SNTG1: variants seen among roughly 807,000 people sequenced by gnomAD.
The protein encoded by SNTG1 is gamma-1-syntrophin.
In SNTG1, 39 loss-of-function variants were observed where a neutral mutation model predicts 74.7. That is an observed-to-expected ratio of 0.52 (90% CI 0.40 to 0.68). The LOEUF (loss-of-function observed/expected upper bound fraction) is 0.68. Ranked by LOEUF, SNTG1 falls within the 30% of genes least tolerant of loss-of-function variation. The probability of loss-of-function intolerance (pLI) is 0.00; values close to 1 mark genes in which losing one functional copy is unlikely to be tolerated. For synonymous variants in SNTG1, 254 were observed against 217.1 expected (o/e 1.17, Z -1.49); for missense variants, 685 against 609.5 (o/e 1.12, Z -1.30).
At chr8:50,112,398 C>A (rs1295723673) in intron 1 of SNTG1, among the ~76,000 whole-genome samples, 2 of 150,212 alleles carry the variant, frequency 1.3e-5, no homozygotes, top group Non-Finnish European at 2.9e-5. Flanking sequence ...TAAACTGAAG[C>A]AATACAGCAA....
chr8:50,743,822 A>T (rs2095549150), intron 17 of SNTG1, among the ~76,000 whole-genome samples: 1 of 151,946 alleles, frequency 6.6e-6, no homozygotes, highest in African/African-American at 2.4e-5. Context: ...TAAAGGAAAG[A>T]GGTTTAGTTG....
intron 9 of SNTG1, among the ~76,000 whole-genome samples, chr8:50,507,815 C>G (rs929783145): frequency 6.6e-6 from 1 of 151,588 alleles, no homozygotes; most frequent in Non-Finnish European, 1.5e-5. Context: ...GGTGTATCTC[C>G]TAATGTTATC....
At chr8:50,165,808 C>T (rs765337065) in intron 1 of SNTG1, among the ~76,000 whole-genome samples, 12 of 152,244 alleles carry the variant, frequency 7.9e-5, no homozygotes, top group African/African-American at 1.2e-4. Flanking sequence ...AACCTAAAGT[C>T]GCATTGTAAC....
intron 2 of SNTG1, among the ~76,000 whole-genome samples, chr8:50,375,494 T>C (rs956081542): frequency 7.2e-5 from 11 of 151,906 alleles, no homozygotes; most frequent in African/African-American, 2.2e-4. Flanking sequence ...TGCTGAGCAA[T>C]TGTGAGCATG....
chr8:50,349,929 G>C (rs150551116), intron 2 of SNTG1, among the ~76,000 whole-genome samples: 1 of 152,158 alleles, frequency 6.6e-6, no homozygotes, highest in Admixed American at 6.5e-5. Context: ...TGAGAGGCGC[G>C]AGCCGGAACC....
intron 1 of SNTG1, among the ~76,000 whole-genome samples, chr8:49,913,133 T>C (rs954082286): frequency 2.0e-5 from 3 of 152,220 alleles, no homozygotes; most frequent in African/African-American, 7.2e-5. Flanking sequence ...GTTACACAAA[T>C]TTGTAACCCG....
At chr8:50,387,362 C>A (rs937506678) in intron 2 of SNTG1, among the ~76,000 whole-genome samples, 1 of 152,276 alleles carries the variant, frequency 6.6e-6, no homozygotes, top group East Asian at 1.9e-4. Context: ...ATTCTCTGGG[C>A]CCTCCCAGGG....
intron 13 of SNTG1, among the ~76,000 whole-genome samples, chr8:50,639,475 A>T (rs1482190587): frequency 2.0e-5 from 3 of 152,058 alleles, no homozygotes; most frequent in Non-Finnish European, 4.4e-5. Flanking sequence ...AGTATAAATT[A>T]AAAAGAACTA....
chr8:50,586,076 A>G (rs933220914), intron 12 of SNTG1, among the ~76,000 whole-genome samples: 1 of 152,152 alleles, frequency 6.6e-6, no homozygotes, highest in Non-Finnish European at 1.5e-5. Context: ...ATTGTCACCC[A>G]TTTGGCACCT....
intron 8 of SNTG1, among the ~76,000 whole-genome samples, chr8:50,500,872 T>C (rs886094249): frequency 6.6e-6 from 1 of 152,162 alleles, no homozygotes; most frequent in African/African-American, 2.4e-5. Flanking sequence ...TCCTCCCTGC[T>C]GTAGAGGAGG....
At chr8:50,330,953 A>G (rs1025259073) in intron 2 of SNTG1, among the ~76,000 whole-genome samples, 6 of 152,218 alleles carry the variant, frequency 3.9e-5, no homozygotes, top group African/African-American at 1.2e-4. Context: ...GGGTGGGGAC[A>G]TAGAGCTAAA....
intron 1 of SNTG1, among the ~76,000 whole-genome samples, chr8:49,951,434 G>T (rs762419179): frequency 4.6e-5 from 7 of 152,008 alleles, no homozygotes; most frequent in Non-Finnish European, 7.4e-5. Flanking sequence ...ACACTGAGAC[G>T]CTGGCCCCAT....
intron 13 of SNTG1, among the ~76,000 whole-genome samples, chr8:50,603,749 G>A (rs2094792374): frequency 6.6e-6 from 1 of 152,076 alleles, no homozygotes; most frequent in African/African-American, 2.4e-5. Flanking sequence ...TGGTGGCCTT[G>A]GATAAGATCA....
chr8:50,561,257 C>T (rs2094486544), intron 12 of SNTG1, among the ~76,000 whole-genome samples: 1 of 152,078 alleles, frequency 6.6e-6, no homozygotes, highest in Non-Finnish European at 1.5e-5. Context: ...CCTTTGCTTC[C>T]ACCATGATTG....
chr8:50,223,447 A>G (rs1281130574), intron 2 of SNTG1, among the ~76,000 whole-genome samples: 3 of 152,160 alleles, frequency 2.0e-5, no homozygotes, highest in Non-Finnish European at 2.9e-5. Flanking sequence ...AGCAACAGGA[A>G]TCAATGATAT....
At chr8:50,712,594 C>A (rs1170641700) in intron 17 of SNTG1, among the ~76,000 whole-genome samples, 1 of 151,894 alleles carries the variant, frequency 6.6e-6, no homozygotes, top group Non-Finnish European at 1.5e-5. Context: ...TCCATCAACC[C>A]GTCATCTAGG....
chr8:50,272,544 C>T (rs753900181), intron 2 of SNTG1, among the ~76,000 whole-genome samples: 2 of 152,150 alleles, frequency 1.3e-5, no homozygotes, highest in Non-Finnish European at 1.5e-5. Flanking sequence ...TCCCTGAGGA[C>T]TTCAGCTCTT....
intron 13 of SNTG1, among the ~76,000 whole-genome samples, chr8:50,646,650 T>C (rs1455752403): frequency 1.3e-5 from 2 of 152,186 alleles, no homozygotes; most frequent in Non-Finnish European, 2.9e-5. Flanking sequence ...CTTCCTATTG[T>C]CTTCCAAAAA....
At chr8:50,066,109 G>A (rs1489747725) in intron 1 of SNTG1, among the ~76,000 whole-genome samples, 1 of 152,146 alleles carries the variant, frequency 6.6e-6, no homozygotes, top group Non-Finnish European at 1.5e-5. Flanking sequence ...CAGCTACTCA[G>A]GAGGCTGAGG....
Sources: allele counts gnomAD v4.1 joint callset (sites outside exome capture counted in the v4.1 genomes callset), GRCh38; gene constraint gnomAD v4.1.1; transcripts MANE v1.5; gene names NCBI Gene and HGNC (gene_info 2026-07-23, HGNC 2026-07-21).